Variants in PRIM2 observed in about 807,000 individuals in gnomAD.
PRIM2 encodes the protein DNA primase large subunit.
PRIM2 carries 39 observed loss-of-function variants against 67.3 expected under a neutral mutation model. That is an observed-to-expected ratio of 0.58 (90% CI 0.45 to 0.76). PRIM2 has a LOEUF of 0.76. Ranked by LOEUF, PRIM2 falls within the 30% of genes least tolerant of loss-of-function variation. The probability of loss-of-function intolerance (pLI) is 0.00; values close to 1 mark genes in which losing one functional copy is unlikely to be tolerated. For missense variants in PRIM2, 398 were observed against 598.7 expected, an observed-to-expected ratio of 0.66 and a Z score of 3.50; for synonymous variants, 143 against 198.7, an observed-to-expected ratio of 0.72 and a Z score of 2.36.
At chr6:57,280,801 C>A in the PRIM2 span, among the ~76,000 whole-genome samples, 297 of 152,246 alleles carry the variant, frequency 2.0e-3, 1 homozygote, top group African/African-American at 6.8e-3. Flanking sequence ...GCCACCATAC[C>A]CAGCATGTAC....
intron 10 of PRIM2, among the ~76,000 whole-genome samples, chr6:57,563,037 C>G (rs2127478874): frequency 6.6e-6 from 1 of 152,166 alleles, no homozygotes; most frequent in Non-Finnish European, 1.5e-5. Context: ...TTTAAAATTT[C>G]TTCAAGTCCT....
At chr6:57,480,723 G>C (rs1474809385) in intron 7 of PRIM2, among the ~76,000 whole-genome samples, 3 of 152,168 alleles carry the variant, frequency 2.0e-5, no homozygotes, top group Non-Finnish European at 2.9e-5. Context: ...CCGCCTCCCA[G>C]GTTCAAGCAA....
At chr6:57,438,961 G>A (rs1337430576) in intron 7 of PRIM2, among the ~76,000 whole-genome samples, 2 of 151,920 alleles carry the variant, frequency 1.3e-5, no homozygotes, top group Admixed American at 6.6e-5. Context: ...TGCTCACCTC[G>A]GCCTCCCAAA....
intron 7 of PRIM2, among the ~76,000 whole-genome samples, chr6:57,478,105 G>A (rs1249065080): frequency 1.3e-5 from 2 of 152,110 alleles, no homozygotes; most frequent in African/African-American, 4.8e-5. Flanking sequence ...AGAAACTAAG[G>A]CACAGAAAGG....
rs570938914 is a variant in PRIM2, at chr6:57,406,181, G to A, written c.693+24013G>A. On this transcript the variant is annotated intron_variant, in intron 7 of 13. Coordinates refer to ENST00000615550, the MANE Select transcript of PRIM2 (RefSeq NM_000947.5). ...TTTTTTAGGGAGTAGGGAGTGGGGAGTAAGACCACTGCTTTTTTTTTCCTT... is the reference window on the plus strand; with the variant it reads ...TTTTTTAGGGAGTAGGGAGTGGGGAATAAGACCACTGCTTTTTTTTTCCTT... 4.6e-5 allele frequency among the ~76,000 whole-genome samples: 7 copies of A among 152,216 alleles called. No homozygotes were observed. The East Asian group carries it at 1.4e-3, about 29-fold the overall frequency.
At chr6:57,408,352 C>T (rs1319406075) in intron 7 of PRIM2, among the ~76,000 whole-genome samples, 1 of 152,114 alleles carries the variant, frequency 6.6e-6, no homozygotes, top group African/African-American at 2.4e-5. Flanking sequence ...GGAAACCTGC[C>T]AGGTATATGA....
At chr6:57,575,041 C>A (rs1358489152) in intron 10 of PRIM2, among the ~76,000 whole-genome samples, 2 of 152,136 alleles carry the variant, frequency 1.3e-5, no homozygotes, top group African/African-American at 4.8e-5. Flanking sequence ...GACTGCTCTT[C>A]GTACCCTAGA....
At chr6:57,405,025 A>G (rs1404167748) in intron 7 of PRIM2, among the ~76,000 whole-genome samples, 2 of 144,876 alleles carry the variant, frequency 1.4e-5, no homozygotes, top group African/African-American at 5.1e-5. Flanking sequence ...TTTTTTTTTC[A>G]CTGAGCTGTG....
the PRIM2 span, among the ~76,000 whole-genome samples, chr6:57,274,855 C>T: frequency 6.6e-6 from 1 of 152,070 alleles, no homozygotes; most frequent in African/African-American, 2.4e-5. Flanking sequence ...CGGGTCACTG[C>T]AACCTCTGTC....
At chr6:57,293,443 C>G in the PRIM2 span, among the ~76,000 whole-genome samples, 6 of 152,174 alleles carry the variant, frequency 3.9e-5, no homozygotes, top group African/African-American at 1.4e-4. Context: ...CCTCAAGGAT[C>G]TAGAACTAGA....
intron 8 of PRIM2, among the ~76,000 whole-genome samples, chr6:57,508,131 T>C (rs1774287173): frequency 2.0e-5 from 3 of 152,104 alleles, no homozygotes. Flanking sequence ...GAGACAGGGT[T>C]TCGCCATATT....
At chr6:57,407,084 G>A (rs564415791) in intron 7 of PRIM2, among the ~76,000 whole-genome samples, 12 of 151,852 alleles carry the variant, frequency 7.9e-5, no homozygotes, top group African/African-American at 1.9e-4. Flanking sequence ...TTGGTAACCC[G>A]AATGTTATCT....
chr6:57,473,809 A>G (rs1399152255), intron 7 of PRIM2, among the ~76,000 whole-genome samples: 2 of 152,126 alleles, frequency 1.3e-5, no homozygotes, highest in Non-Finnish European at 2.9e-5. Flanking sequence ...TATCTGAGGA[A>G]TATCTAGTCT....
chr6:57,390,855 A>T (rs1312959269), intron 7 of PRIM2, among the ~76,000 whole-genome samples: 2 of 152,172 alleles, frequency 1.3e-5, no homozygotes, highest in South Asian at 4.1e-4. Context: ...ATTGGTGTAC[A>T]TATGTCTTGA....
the PRIM2 span, among the ~76,000 whole-genome samples, chr6:57,246,478 C>T: frequency 1.3e-5 from 2 of 152,182 alleles, no homozygotes; most frequent in African/African-American, 4.8e-5. Context: ...CCAGGAGATA[C>T]GCCGTCCTAT....
intron 8 of PRIM2, among the ~76,000 whole-genome samples, chr6:57,517,437 TA>T (rs1325491329): frequency 1.3e-5 from 2 of 152,198 alleles, no homozygotes; most frequent in African/African-American, 4.8e-5. Flanking sequence ...TCTATACCTG[TA>T]CTGTTTAATC....
intron 10 of PRIM2, among the ~76,000 whole-genome samples, chr6:57,541,695 A>G (rs1389089054): frequency 1.3e-5 from 2 of 152,134 alleles, no homozygotes; most frequent in Admixed American, 6.5e-5. Flanking sequence ...GGAAGAGGCA[A>G]TGTTTCAGTT....
In PRIM2 at chr6:57,318,481, G is replaced by T. The variant is rs757938591; in HGVS notation, c.36G>T (p.Arg12Ser). ...CTGGAAGAAAGTGGAGGAAGCTGAG[G>T]TTGGCAGGTGACCAGAGGAATGCTT... Reference protein sequence around the residue: ...EFSGRKWRKLRLAGDQRNASY... With the variant: ...EFSGRKWRKLSLAGDQRNASY... Residue 12 changes from arginine to serine, a missense_variant, in exon 2 of 14, where the codon AGG becomes AGT. Transcript: ENST00000615550. The T allele has an allele frequency of 4.3e-6, 7 of 1,611,242 alleles. No homozygotes were observed. Among genetic ancestry groups the T allele is most frequent in the East Asian group, 4.5e-5 (2 of 44,850 alleles).
the PRIM2 span, among the ~76,000 whole-genome samples, chr6:57,283,879 A>AT: frequency 2.3e-4 from 35 of 151,774 alleles, no homozygotes; most frequent in East Asian, 1.4e-3. Flanking sequence ...TTTAATACTG[A>AT]TTTTTTTTTA....
Sources: allele counts gnomAD v4.1 joint callset (sites outside exome capture counted in the v4.1 genomes callset), GRCh38; gene constraint gnomAD v4.1.1; transcripts MANE v1.5; gene names NCBI Gene and HGNC (gene_info 2026-07-23, HGNC 2026-07-21).